Variants in ARVCF observed in about 807,000 individuals in gnomAD.
ARVCF encodes the protein splicing regulator ARVCF.
ARVCF carries 66 observed loss-of-function variants against 90.9 expected under a neutral mutation model. That is an observed-to-expected ratio of 0.73 (90% CI 0.60 to 0.89). The LOEUF is 0.89. Among genes scored for constraint, ARVCF ranks in the 40% least tolerant of loss-of-function variants. ARVCF has a pLI of 0.00. For synonymous variants in ARVCF, 653 were observed against 603.4 expected (o/e 1.08, Z -1.21); for missense variants, 1,469 against 1,382.3 (o/e 1.06, Z -1.00).
In ARVCF at chr22:19,977,441, C is replaced by T; in HGVS notation, c.1844G>A (p.Ser615Asn). The T allele has an allele frequency of 6.5e-7, 1 of 1,547,332 alleles. No individual in the cohort carries two copies. Among genetic ancestry groups the T allele is most frequent in the Non-Finnish European group, 8.7e-7 (1 of 1,145,992 alleles). The change falls in exon 9 of 20, where the codon AGC becomes AAC. Residue 615 changes from serine to asparagine, a missense_variant. Coordinates refer to ENST00000263207, the MANE Select transcript of ARVCF (RefSeq NM_001670.3). Reference sequence around the variant, plus strand: ...TTTGGCCTTCTTGCCTCCAAAGCAGCTGGCATCATCCCGCCTCCGGCGCTG... The same window carrying T: ...TTTGGCCTTCTTGCCTCCAAAGCAGTTGGCATCATCCCGCCTCCGGCGCTG... ...GSQRRRRDDA[S>N]CFGGKKAKEE...
At chr22:20,012,260 G>A (rs1222250314) in intron 1 of ARVCF, among the ~76,000 whole-genome samples, 1 of 152,246 alleles carries the variant, frequency 6.6e-6, no homozygotes, top group Non-Finnish European at 1.5e-5. Flanking sequence ...CAGGAGATGG[G>A]TGGGAGCAGA....
chr22:19,999,364 AG>A (rs1454053216), intron 2 of ARVCF, among the ~76,000 whole-genome samples: 3 of 152,180 alleles, frequency 2.0e-5, no homozygotes, highest in Non-Finnish European at 4.4e-5. Context: ...GCACTGGCCC[AG>A]GGAGAGATCC....
At chr22:20,014,840 C>G (rs1040763163) in intron 1 of ARVCF, among the ~76,000 whole-genome samples, 2 of 152,152 alleles carry the variant, frequency 1.3e-5, no homozygotes, top group Non-Finnish European at 2.9e-5. Context: ...GCCTCATGCT[C>G]CCCCAGGCCA....
At chr22:20,011,377 G>A (rs1944825212) in intron 1 of ARVCF, among the ~76,000 whole-genome samples, 1 of 152,078 alleles carries the variant, frequency 6.6e-6, no homozygotes, top group African/African-American at 2.4e-5. Context: ...GGGGACATCG[G>A]TAATGAGAGC....
At chr22:19,989,732 C>A (rs980865875) in intron 3 of ARVCF, among the ~76,000 whole-genome samples, 3 of 152,022 alleles carry the variant, frequency 2.0e-5, no homozygotes, top group African/African-American at 7.2e-5. Flanking sequence ...CAGGACTCTG[C>A]AGGGAGAGCC....
At chr22:19,989,503 T>C (rs1406376972) in intron 3 of ARVCF, among the ~76,000 whole-genome samples, 2 of 151,888 alleles carry the variant, frequency 1.3e-5, no homozygotes, top group Non-Finnish European at 2.9e-5. Flanking sequence ...GGAGAGCCCA[T>C]GGGGCTGCCT....
At chr22:20,011,569 G>T (rs1037792838) in intron 1 of ARVCF, among the ~76,000 whole-genome samples, 1 of 152,176 alleles carries the variant, frequency 6.6e-6, no homozygotes, top group Admixed American at 6.5e-5. Context: ...GTGGGATCAT[G>T]GGGGGTGGGA....
chr22:19,996,852 C>T (rs1333295176), intron 2 of ARVCF, among the ~76,000 whole-genome samples: 1 of 152,156 alleles, frequency 6.6e-6, no homozygotes, highest in Non-Finnish European at 1.5e-5. Context: ...ATTTGATTTC[C>T]CCAGCAGAGG....
At chr22:19,989,592 C>T (rs1421984760) in intron 3 of ARVCF, among the ~76,000 whole-genome samples, 1 of 152,138 alleles carries the variant, frequency 6.6e-6, no homozygotes, top group Non-Finnish European at 1.5e-5. Context: ...ATGTGTGTGC[C>T]AGGCGCAGGT....
At position 19,990,668 on chromosome 22, in the gene ARVCF, G is replaced by A. The variant is rs752922654; in HGVS notation, c.127C>T (p.Arg43Cys). The change falls in exon 3 of 20, where the codon CGT becomes TGT. Residue 43 changes from arginine (R) to cysteine (C), a missense_variant. Coordinates refer to ENST00000263207, the MANE Select transcript of ARVCF (RefSeq NM_001670.3). Reference sequence around the variant, plus strand: ...CTGACCATGCCAGGCTGCTGGGCACGCTCCAGCTGTAGGGCAACATGGCGC... The same window carrying A: ...CTGACCATGCCAGGCTGCTGGGCACACTCCAGCTGTAGGGCAACATGGCGC... ...ERRHVALQLE[R>C]AQQPGMVSGG... is the part of the protein sequence containing the mutation. The A allele has an allele frequency of 1.2e-5, 19 of 1,607,206 alleles. No homozygotes were observed. The highest frequency in any genetic ancestry group is 6.7e-5 in the East Asian group (3 of 44,744).
At chr22:20,012,212 G>C (rs1439745096) in intron 1 of ARVCF, among the ~76,000 whole-genome samples, 1 of 152,134 alleles carries the variant, frequency 6.6e-6, no homozygotes, top group East Asian at 1.9e-4. Context: ...GCAGACCCTG[G>C]GAAGGGGTCC....
At chr22:19,987,135 C>T (rs1055479479) in intron 3 of ARVCF, 9 of 492,646 alleles carry the variant, frequency 1.8e-5, no homozygotes, top group African/African-American at 1.4e-4. Context: ...GCGGGGGAGG[C>T]GGTGGCTGGA....
downstream of ARVCF, chr22:19,967,456 G>A (rs113499749): frequency 7.7e-3 from 3,552 of 462,076 alleles, 121 homozygotes; most frequent in African/African-American, 0.064. Context: ...GCTCAACTCC[G>A]GACCTTGGGG....
Position 19,972,418 on chromosome 22 carries a change from G to A in ARVCF, c.2642-7C>T. On this transcript the variant is annotated splice_polypyrimidine_tract_variant and splice_region_variant and intron_variant, in intron 16 of 19. Coordinates refer to ENST00000263207, the MANE Select transcript of ARVCF (RefSeq NM_001670.3). ...CTGCCAGTTTTCTCGCCCTCTGCAA[G>A]GCAGGAGGAGGAGACGGGCTGCATG... 1.2e-6 allele frequency: 2 copies of A among 1,613,426 alleles called. No homozygotes were observed. Among genetic ancestry groups the A allele is most frequent in the Middle Eastern group, 1.7e-4 (1 of 6,060 alleles).
At chr22:20,006,193 AAAC>A (rs1451559214) in intron 2 of ARVCF, among the ~76,000 whole-genome samples, 3 of 152,240 alleles carry the variant, frequency 2.0e-5, no homozygotes, top group Non-Finnish European at 4.4e-5. Context: ...CAATGTGAAC[AAAC>A]AACACTACTG....
Position 19,979,408 on chromosome 22 carries a change from A to G in ARVCF, c.1397-328T>C, listed in dbSNP as rs1266493023. The G allele has an allele frequency of 7.8e-6, 4 of 515,682 alleles. No individual in the cohort carries two copies. The Admixed American group carries it at 1.1e-4, about 14-fold the overall frequency. 31.9% of individuals were successfully genotyped at this position (515,682 alleles called of 1,614,324 possible). A position where few individuals can be genotyped will look rare whatever the true frequency, so the allele number is the denominator to read the frequency against. ...TGACCCTACCTGTCCCTCAGCTCTC[A>G]CAAGGCACAAGCCCCACCACTGCAC... On this transcript the variant is annotated intron_variant, in intron 6 of 19. Transcript: ENST00000263207.
intron 8 of ARVCF, 56 bp from the exon 9 acceptor site, chr22:19,977,642 C>G: frequency 6.8e-7 from 1 of 1,476,624 alleles, no homozygotes; most frequent in Non-Finnish European, 9.0e-7. Flanking sequence ...GGCTGGCCCT[C>G]AGGAAAGACT....
At position 19,980,395 on chromosome 22, in the gene ARVCF, CAG is replaced by C. The variant is rs1336227559; in HGVS notation, c.897-155_897-154del. 1.3e-5 allele frequency: 16 copies of C among 1,197,470 alleles called. No homozygotes were observed. The South Asian group carries it at 1.7e-4, about 13-fold the overall frequency. The allele number at this position is 1,197,470 out of a possible 1,614,324, so 74.2% of individuals were successfully genotyped here. A position where few individuals can be genotyped will look rare whatever the true frequency, so the allele number is the denominator to read the frequency against. On this transcript the variant is annotated intron_variant, in intron 5 of 19. Transcript: ENST00000263207. The stretch of plus-strand genomic sequence containing the variant: ...CTTGGCCCGGAGCATGGTGGGGACA[CAG>C]AGAGTCATGCACCAGCCCAGTGAGA...
At chr22:19,996,226 A>T (rs1362649459) in intron 2 of ARVCF, among the ~76,000 whole-genome samples, 1 of 151,924 alleles carries the variant, frequency 6.6e-6, no homozygotes, top group Non-Finnish European at 1.5e-5. Flanking sequence ...GCTGGGGATG[A>T]CTGTTCTCAG....
Sources: gnomAD v4.1 joint callset for allele counts (sites outside exome capture counted in the v4.1 genomes callset) on GRCh38, gnomAD v4.1.1 for gene constraint, MANE v1.5 for transcripts, NCBI Gene and HGNC (gene_info 2026-07-23, HGNC 2026-07-21) for gene names.